The following GPR39 variants were observed in gnomAD, a reference collection of about 807,000 sequenced individuals.
GPR39 encodes zinc sensing receptor.
GPR39 carries 23 observed loss-of-function variants against 18.4 expected under a neutral mutation model. The ratio of observed to expected loss-of-function variants is 1.25; its 90% CI spans 0.90 to 1.77. The LOEUF is 1.77. Among genes scored for constraint, GPR39 ranks in the 40% most tolerant of loss-of-function variants. GPR39 has a pLI of 0.00. For synonymous variants in GPR39, 280 were observed against 257.9 expected (o/e 1.09, Z -0.82); for missense variants, 647 against 602.4 (o/e 1.07, Z -0.78).
At chr2:132,454,678 G>T (rs1680687568) in intron 1 of GPR39, among the ~76,000 whole-genome samples, 1 of 152,142 alleles carries the variant, frequency 6.6e-6, no homozygotes, top group Non-Finnish European at 1.5e-5. Flanking sequence ...TTTATTGAGA[G>T]TTTTTAGCAT....
intron 1 of GPR39, among the ~76,000 whole-genome samples, chr2:132,456,148 A>G (rs7594492): frequency 0.5 from 76,035 of 151,958 alleles, 20,805 homozygotes; most frequent in Non-Finnish European, 0.62. Flanking sequence ...TGCTTTATGG[A>G]TCTGGGTGCT....
intron 1 of GPR39, among the ~76,000 whole-genome samples, chr2:132,492,753 TAC>T (rs1176327493): frequency 7.6e-6 from 1 of 131,118 alleles, no homozygotes; most frequent in African/African-American, 2.7e-5. Flanking sequence ...ACCATGTATA[TAC>T]CATATATATA....
Position 132,515,297 on chromosome 2 carries a change from A to T in GPR39, c.856+97399A>T, listed in dbSNP as rs140394936. Among the ~76,000 whole-genome samples the T allele has an allele frequency of 3.4e-4, 52 of 152,326 alleles. 1 individual carries two copies. In the East Asian group the frequency reaches 9.3e-3, roughly 27 times the overall value. On this transcript the variant is annotated intron_variant, in intron 1 of 1. Transcript: ENST00000329321. ...CTGCTGACCAGCTGACACTGAGCAG[A>T]TCTCTTAGTTATTGACTGACCATTT...
intron 1 of GPR39, among the ~76,000 whole-genome samples, chr2:132,521,586 A>G (rs1242448812): frequency 6.6e-6 from 1 of 152,152 alleles, no homozygotes; most frequent in Non-Finnish European, 1.5e-5. Context: ...CATCCCCCAG[A>G]GGGATATTTG....
At chr2:132,480,724 G>C (rs1681217795) in intron 1 of GPR39, among the ~76,000 whole-genome samples, 1 of 152,216 alleles carries the variant, frequency 6.6e-6, no homozygotes, top group Non-Finnish European at 1.5e-5. Flanking sequence ...GGGGAGATAA[G>C]GAGTTTGGTT....
At chr2:132,550,127 G>A (rs761058189) in intron 1 of GPR39, among the ~76,000 whole-genome samples, 40 of 152,124 alleles carry the variant, frequency 2.6e-4, no homozygotes, top group Non-Finnish European at 4.4e-4. Context: ...ACTGCAGCCC[G>A]GACAATGAAT....
chr2:132,566,569 C>A (rs1680352824), intron 1 of GPR39, among the ~76,000 whole-genome samples: 1 of 152,194 alleles, frequency 6.6e-6, no homozygotes, highest in Non-Finnish European at 1.5e-5. Flanking sequence ...TCTCATTGCT[C>A]ACACTACCCT....
intron 1 of GPR39, among the ~76,000 whole-genome samples, chr2:132,539,306 G>C (rs766352542): frequency 5.3e-5 from 8 of 152,068 alleles, no homozygotes; most frequent in Non-Finnish European, 1.2e-4. Flanking sequence ...GGAGGTCACC[G>C]GGCTCCTTGC....
At chr2:132,457,646 A>C (rs546538544) in intron 1 of GPR39, among the ~76,000 whole-genome samples, 2 of 152,230 alleles carry the variant, frequency 1.3e-5, no homozygotes, top group Non-Finnish European at 2.9e-5. Context: ...TCGTGCTGGG[A>C]GAACCACTGC....
At chr2:132,421,836 G>GAGAGAAGAGAGGGT (rs11281219) in intron 1 of GPR39, among the ~76,000 whole-genome samples, 1 of 151,972 alleles carries the variant, frequency 6.6e-6, no homozygotes, top group Non-Finnish European at 1.5e-5. Context: ...AGAGAGAGAA[G>GAGAGAAGAGAGGGT]AGAGGGTAGA....
At chr2:132,641,865 A>G (rs907782481) in intron 1 of GPR39, among the ~76,000 whole-genome samples, 1 of 152,220 alleles carries the variant, frequency 6.6e-6, no homozygotes, top group Non-Finnish European at 1.5e-5. Context: ...GTATTTTTCA[A>G]ACTGAAAGTA....
At chr2:132,618,674 GC>G (rs748359995) in intron 1 of GPR39, among the ~76,000 whole-genome samples, 2 of 152,292 alleles carry the variant, frequency 1.3e-5, no homozygotes, top group Non-Finnish European at 2.9e-5. Context: ...ATGAAGCAGA[GC>G]CCCCTTCCCA....
intron 1 of GPR39, among the ~76,000 whole-genome samples, chr2:132,442,572 C>T (rs1024808966): frequency 1.3e-5 from 2 of 152,172 alleles, no homozygotes; most frequent in Admixed American, 1.3e-4. Flanking sequence ...TTGGCTCATG[C>T]CCCTGTGAAA....
chr2:132,534,413 T>C (rs2104778943), intron 1 of GPR39, among the ~76,000 whole-genome samples: 1 of 149,624 alleles, frequency 6.7e-6, no homozygotes, highest in African/African-American at 2.4e-5. Context: ...AGTTCAGCCA[T>C]TGTGGAAGTC....
intron 1 of GPR39, among the ~76,000 whole-genome samples, chr2:132,633,970 G>GTGT (rs1340198534): frequency 1.4e-5 from 2 of 143,112 alleles, no homozygotes; most frequent in African/African-American, 6.1e-5. Context: ...GGTGGAAACA[G>GTGT]TGGAGTTGGT....
At chr2:132,478,783 C>T (rs1573621906) in intron 1 of GPR39, among the ~76,000 whole-genome samples, 1 of 152,254 alleles carries the variant, frequency 6.6e-6, no homozygotes, top group Non-Finnish European at 1.5e-5. Flanking sequence ...TGTGCTCCAT[C>T]AAATGTTGTT....
intron 1 of GPR39, among the ~76,000 whole-genome samples, chr2:132,488,291 C>T (rs751094128): frequency 1.7e-4 from 26 of 152,088 alleles, no homozygotes; most frequent in Middle Eastern, 3.4e-3. Context: ...CCTTTAAAAG[C>T]GTATTGAGAA....
chr2:132,441,197 G>A (rs1680431969), intron 1 of GPR39, among the ~76,000 whole-genome samples: 2 of 152,074 alleles, frequency 1.3e-5, no homozygotes, highest in African/African-American at 4.8e-5. Context: ...CAACCCCTGT[G>A]TGCTCCCAGA....
At chr2:132,626,463 A>C (rs189233848) in intron 1 of GPR39, among the ~76,000 whole-genome samples, 168 of 152,296 alleles carry the variant, frequency 1.1e-3, no homozygotes, top group Non-Finnish European at 2.0e-3. Flanking sequence ...CCTGAGTTCT[A>C]CATCCAAAAA....
Sources: gnomAD v4.1 joint callset for allele counts (sites outside exome capture counted in the v4.1 genomes callset) on GRCh38, gnomAD v4.1.1 for gene constraint, MANE v1.5 for transcripts, NCBI Gene and HGNC (gene_info 2026-07-23, HGNC 2026-07-21) for gene names.